UTRN: variants seen among roughly 807,000 people sequenced by gnomAD.
UTRN encodes the protein utrophin.
Under a neutral mutation model 463.9 loss-of-function variants are expected in UTRN, and 283 were observed. That is an observed-to-expected ratio of 0.61 (90% CI 0.55 to 0.67). The LOEUF is 0.67. Ranked by LOEUF, UTRN falls within the 30% of genes least tolerant of loss-of-function variation. The pLI, the probability that UTRN is intolerant of heterozygous loss-of-function variation, is 0.00. For missense variants in UTRN, 3,922 were observed against 4,084.3 expected (o/e 0.96, Z 1.08); for synonymous variants, 1,442 against 1,431.5 (o/e 1.01, Z -0.17).
intron 51 of UTRN, chr6:144,659,985 C>T (rs141266404): frequency 6.1e-4 from 178 of 292,300 alleles, no homozygotes; most frequent in Middle Eastern, 4.3e-3. Context: ...AATACAGAAG[C>T]AGGTCTATTC....
rs1271582490 is a variant in UTRN at position 144,470,777 on chromosome 6, T to G, written c.3067-2943T>G. 2.6e-5 allele frequency among the ~76,000 whole-genome samples: 4 copies of G among 151,760 alleles called. No individual in the cohort carries two copies. In the East Asian group the frequency reaches 7.8e-4, roughly 30 times the overall value. ...AGTGAGACTCCGTCTGCAATCCCGG[T>G]ACCTCGGGAGGCCGAGGCTGGCAGA... On this transcript the variant is annotated intron_variant, in intron 23 of 74. Transcript: ENST00000367545.
chr6:144,637,543 C>T (rs1031132321), intron 51 of UTRN, among the ~76,000 whole-genome samples: 16 of 151,810 alleles, frequency 1.1e-4, no homozygotes, highest in African/African-American at 3.9e-4. Flanking sequence ...GGGATTCTTC[C>T]TAAGTACCAC....
intron 64 of UTRN, among the ~76,000 whole-genome samples, chr6:144,798,229 G>T (rs965746114): frequency 6.6e-6 from 1 of 152,116 alleles, no homozygotes; most frequent in Non-Finnish European, 1.5e-5. Flanking sequence ...CAGAACCAGA[G>T]ATTTTTATGA....
rs543105132 is a variant in UTRN at position 144,573,365 on chromosome 6, A to G, written c.7290-3734A>G. Among the ~76,000 whole-genome samples, 8 of 151,890 alleles carry G rather than the reference A, an allele frequency of 5.3e-5. No homozygotes were observed. The South Asian group carries it at 1.7e-3, about 32-fold the overall frequency. ...TTGGGAGTTCAAGACCAGCCTGGCC[A>G]ACATGGTGAAACCCTATCTCTACTA... On this transcript the variant is annotated intron_variant, in intron 50 of 74. Coordinates refer to ENST00000367545, the MANE Select transcript of UTRN (RefSeq NM_007124.3).
At chr6:144,681,076 GA>G (rs1449380213) in intron 52 of UTRN, among the ~76,000 whole-genome samples, 1 of 152,130 alleles carries the variant, frequency 6.6e-6, no homozygotes, top group Non-Finnish European at 1.5e-5. Context: ...CTGAAGAGGG[GA>G]GACCTGGTAG....
intron 13 of UTRN, among the ~76,000 whole-genome samples, chr6:144,440,913 G>A (rs147601875): frequency 6.3e-4 from 96 of 152,284 alleles, no homozygotes; most frequent in African/African-American, 2.2e-3. Context: ...AAGAGAGGGA[G>A]CTTGTGCAGG....
At chr6:144,817,093 A>G (rs1326698234) in intron 65 of UTRN, among the ~76,000 whole-genome samples, 2 of 152,076 alleles carry the variant, frequency 1.3e-5, no homozygotes, top group East Asian at 1.9e-4. Flanking sequence ...TTTCAAGAAC[A>G]TTTTTTTCCT....
intron 2 of UTRN, among the ~76,000 whole-genome samples, chr6:144,320,028 A>AT (rs1775536750): frequency 6.6e-6 from 1 of 151,130 alleles, no homozygotes; most frequent in Non-Finnish European, 1.5e-5. Flanking sequence ...TAGTTTTTGT[A>AT]TTTTTGGTAG....
intron 46 of UTRN, among the ~76,000 whole-genome samples, chr6:144,545,536 CCTT>C (rs1192828794): frequency 6.6e-6 from 1 of 152,178 alleles, no homozygotes; most frequent in Non-Finnish European, 1.5e-5. Flanking sequence ...GCTTGGTGTT[CCTT>C]CTTCTTGTCT....
At chr6:144,830,196 G>A (rs1375771758) in intron 69 of UTRN, among the ~76,000 whole-genome samples, 1 of 151,976 alleles carries the variant, frequency 6.6e-6, no homozygotes, top group Admixed American at 6.6e-5. Flanking sequence ...TCTTAAAATA[G>A]GAATAAATAC....
At chr6:144,538,914 T>G (rs1427068976) in intron 44 of UTRN, among the ~76,000 whole-genome samples, 1 of 152,214 alleles carries the variant, frequency 6.6e-6, no homozygotes, top group Non-Finnish European at 1.5e-5. Flanking sequence ...GTGGTTTTTT[T>G]GGGAATGTCT....
intron 2 of UTRN, among the ~76,000 whole-genome samples, chr6:144,316,858 G>GC (rs1350280476): frequency 6.6e-6 from 1 of 152,122 alleles, no homozygotes; most frequent in Non-Finnish European, 1.5e-5. Context: ...TTTAAAAAAT[G>GC]CCCCATCTAA....
Position 144,448,683 on chromosome 6 carries a change from A to G in UTRN, c.1986A>G (p.Ala662=). ...AGACTGTTCGTGTAAGAGAACAAGCAATTACAAAAAAATCTAAGCAGGAAC... is the reference window on the plus strand; with the variant it reads ...AGACTGTTCGTGTAAGAGAACAAGCGATTACAAAAAAATCTAAGCAGGAAC... ...LLETVRVREQ[A]ITKKSKQELP... is the part of the protein sequence containing the mutation. The change falls in exon 17 of 75, where the codon GCA becomes GCG. Residue 662 remains alanine, a synonymous_variant. Transcript: ENST00000367545. The G allele has an allele frequency of 6.2e-7, 1 of 1,614,114 alleles. No individual in the cohort carries two copies. Among genetic ancestry groups the G allele is most frequent in the Non-Finnish European group, 8.5e-7 (1 of 1,179,972 alleles).
chr6:144,347,255 C>A (rs1341003877), intron 2 of UTRN, among the ~76,000 whole-genome samples: 3 of 152,218 alleles, frequency 2.0e-5, no homozygotes, highest in African/African-American at 7.2e-5. Flanking sequence ...CATGCTTGTG[C>A]CCCACAGTCA....
intron 2 of UTRN, among the ~76,000 whole-genome samples, chr6:144,391,388 A>T (rs59599299): frequency 2.0e-5 from 3 of 151,992 alleles, no homozygotes; most frequent in African/African-American, 7.3e-5. Context: ...TTATTATGTC[A>T]GTTTATTTGA....
chr6:144,639,720 A>AT (rs938062120), intron 51 of UTRN, among the ~76,000 whole-genome samples: 1 of 147,772 alleles, frequency 6.8e-6, no homozygotes, highest in Non-Finnish European at 1.5e-5. Context: ...TATTTTCAGT[A>AT]TTTTTTTGAA....
intron 34 of UTRN, among the ~76,000 whole-genome samples, chr6:144,504,371 G>C (rs960050171): frequency 3.3e-5 from 5 of 152,136 alleles, no homozygotes; most frequent in Admixed American, 6.5e-5. Context: ...TATTGGCTGT[G>C]GGTTTGTCAT....
chr6:144,802,253 A>G (rs1347527820), intron 64 of UTRN, among the ~76,000 whole-genome samples: 1 of 152,230 alleles, frequency 6.6e-6, no homozygotes, highest in African/African-American at 2.4e-5. Flanking sequence ...GCTGTAGTAT[A>G]TGCAGAATGA....
chr6:144,358,933 A>G (rs2114678830), intron 2 of UTRN, among the ~76,000 whole-genome samples: 1 of 152,268 alleles, frequency 6.6e-6, no homozygotes, highest in East Asian at 1.9e-4. Context: ...TAATATTTCT[A>G]ATTTTAGTTC....
Sources: allele counts gnomAD v4.1 joint callset (sites outside exome capture counted in the v4.1 genomes callset), GRCh38; gene constraint gnomAD v4.1.1; transcripts MANE v1.5; gene names NCBI Gene and HGNC (gene_info 2026-07-23, HGNC 2026-07-21).